The following ICOS variants were observed in gnomAD, a reference collection of about 807,000 sequenced individuals.
The protein encoded by ICOS is inducible T-cell costimulator.
A neutral mutation model predicts 24.6 loss-of-function variants in ICOS; 15 were observed. The observed-to-expected ratio is 0.61, with a 90% CI of 0.41 to 0.94. The LOEUF is 0.94. ICOS is among the 40% of genes least tolerant of loss of function. The pLI is 0.00. For synonymous variants in ICOS, 89 were observed against 77.5 expected, an observed-to-expected ratio of 1.15 and a Z score of -0.78; for missense variants, 200 against 233.0, an observed-to-expected ratio of 0.86 and a Z score of 0.92.
chr2:203,956,849 T>C, intron 3 of ICOS, 84 bp downstream of exon 3: 3 of 924,752 alleles, frequency 3.2e-6, no homozygotes, highest in South Asian at 2.7e-5. Context: ...ACATGGCTCT[T>C]GTCAGAGTAA....
At chr2:203,944,929 A>C (rs1689842124) in intron 1 of ICOS, among the ~76,000 whole-genome samples, 1 of 152,224 alleles carries the variant, frequency 6.6e-6, no homozygotes, top group Admixed American at 6.5e-5. Flanking sequence ...ATTTTAGTTC[A>C]TGGTAACAGA....
rs140979765 is a variant in ICOS, at chr2:203,961,453, G to A, written c.*1854G>A. On this transcript the variant is annotated 3_prime_UTR_variant, in exon 5 of 5. Transcript: ENST00000316386. ...TCATCCCCAGCATGGGACACCTCAA[G>A]ATGAATAATAATTCACAAAATTTCT... is the stretch of plus-strand genomic sequence containing the variant. The A allele has an allele frequency of 1.6e-3, 255 of 157,990 alleles. 2 individuals carry two copies. Among genetic ancestry groups the A allele is most frequent in the African/African-American group, 5.9e-3 (244 of 41,568 alleles). 9.8% of individuals were successfully genotyped at this position (157,990 alleles called of 1,614,324 possible).
intron 1 of ICOS, among the ~76,000 whole-genome samples, chr2:203,942,624 T>C (rs1689798121): frequency 6.6e-6 from 1 of 152,228 alleles, no homozygotes; most frequent in Non-Finnish European, 1.5e-5. Context: ...ATGTGAATAC[T>C]ACTTTAAGTA....
chr2:203,954,484 G>A (rs1303654708), intron 1 of ICOS, among the ~76,000 whole-genome samples: 2 of 152,142 alleles, frequency 1.3e-5, no homozygotes, highest in Non-Finnish European at 1.5e-5. Context: ...AGCTTCTTGG[G>A]AGGCTGAGGC....
Position 203,936,857 on chromosome 2 carries a change from A to G in ICOS, c.43A>G (p.Ile15Val), listed in dbSNP as rs752669955. ...LWYFFLFCLRIKVLTGEINGS... is the reference protein window; with the variant it reads ...LWYFFLFCLRVKVLTGEINGS... ...GTATTTCTTTCTCTTCTGCTTGCGC[A>G]TTAAAGTTTTAACAGGTAAGTGGTG... The change falls in exon 1 of 5, where the codon ATT becomes GTT. Residue 15 changes from isoleucine to valine, a missense_variant. Transcript: ENST00000316386. 16 of 1,610,680 alleles carry G rather than the reference A, an allele frequency of 9.9e-6. No individual in the cohort carries two copies. In the South Asian group the frequency reaches 1.6e-4, roughly 17 times the overall value.
At chr2:203,958,516 A>C (rs1581607919) in intron 4 of ICOS, among the ~76,000 whole-genome samples, 1 of 152,166 alleles carries the variant, frequency 6.6e-6, no homozygotes, top group East Asian at 1.9e-4. Flanking sequence ...GAAAGTTTGA[A>C]GCTTCCATTG....
At chr2:203,941,546 T>A (rs1192368418) in intron 1 of ICOS, among the ~76,000 whole-genome samples, 1 of 152,220 alleles carries the variant, frequency 6.6e-6, no homozygotes, top group East Asian at 1.9e-4. Context: ...GCTTCCCTAC[T>A]CTAAGAATAT....
At chr2:203,954,648 A>G (rs1690046288) in intron 1 of ICOS, among the ~76,000 whole-genome samples, 1 of 152,068 alleles carries the variant, frequency 6.6e-6, no homozygotes, top group African/African-American at 2.4e-5. Context: ...CTGGGGCTTT[A>G]TCTTTATTAT....
chr2:203,950,053 T>A (rs1250552264), intron 1 of ICOS, among the ~76,000 whole-genome samples: 2 of 152,260 alleles, frequency 1.3e-5, no homozygotes, highest in Non-Finnish European at 2.9e-5. Context: ...TACCAAAGGC[T>A]AAGAAGAATT....
At chr2:203,953,071 T>C (rs1393685880) in intron 1 of ICOS, among the ~76,000 whole-genome samples, 2 of 152,188 alleles carry the variant, frequency 1.3e-5, no homozygotes, top group Admixed American at 1.3e-4. Flanking sequence ...TTTCTAACCA[T>C]TGAAGTCCAG....
intron 1 of ICOS, among the ~76,000 whole-genome samples, chr2:203,940,095 C>A (rs756748313): frequency 2.0e-5 from 3 of 152,076 alleles, no homozygotes; most frequent in African/African-American, 4.8e-5. Context: ...TTGACATGTT[C>A]AAAGAATCTT....
intron 4 of ICOS, among the ~76,000 whole-genome samples, chr2:203,959,171 A>G (rs890708467): frequency 2.0e-5 from 3 of 152,140 alleles, no homozygotes; most frequent in Non-Finnish European, 2.9e-5. Flanking sequence ...GCTTTCCCTC[A>G]TCTCTGAGCT....
chr2:203,960,017 A>G lies in ICOS; in HGVS notation c.*418A>G. ...GCATCTGTCCGCATTTCACTATCAT[A>G]CTACCTCTTCTTTCTGTAGGGATGA... is the stretch of plus-strand genomic sequence containing the variant. On this transcript the variant is annotated 3_prime_UTR_variant, in exon 5 of 5. Coordinates refer to ENST00000316386, the MANE Select transcript of ICOS (RefSeq NM_012092.4). The G allele has an allele frequency of 3.1e-6, 1 of 322,708 alleles. No individual in the cohort carries two copies. Among genetic ancestry groups the G allele is most frequent in the East Asian group, 7.5e-5 (1 of 13,292 alleles). The allele number at this position is 322,708 out of a possible 1,614,324, so 20.0% of individuals were successfully genotyped here.
At chr2:203,945,658 A>G (rs971913426) in intron 1 of ICOS, among the ~76,000 whole-genome samples, 2 of 152,190 alleles carry the variant, frequency 1.3e-5, no homozygotes, top group African/African-American at 4.8e-5. Context: ...TGGTAGCACA[A>G]TGGTAAATAT....
chr2:203,955,782 A>G lies in ICOS; in HGVS notation c.205A>G (p.Lys69Glu), dbSNP rs773337402. The change falls in exon 2 of 5, where the codon AAA (lysine) becomes GAA (glutamate). Residue 69 changes from lysine (K) to glutamate (E), a missense_variant. Coordinates refer to ENST00000316386, the MANE Select transcript of ICOS (RefSeq NM_012092.4). ...AATACTCTGCGATCTCACTAAGACA[A>G]AAGGAAGTGGAAACACAGTGTCCAT... is the stretch of plus-strand genomic sequence containing the variant. Reference protein sequence around the residue: ...GQILCDLTKTKGSGNTVSIKS... With the variant: ...GQILCDLTKTEGSGNTVSIKS... 1 of 1,613,860 alleles carries G rather than the reference A, an allele frequency of 6.2e-7. No individual in the cohort carries two copies. The highest frequency in any genetic ancestry group is 1.1e-5 in the South Asian group (1 of 91,080).
intron 4 of ICOS, 131 bp from the exon 5 acceptor site, chr2:203,959,455 A>AGTGTGTGTGTGT (rs34098976): frequency 2.8e-6 from 2 of 718,342 alleles, no homozygotes; most frequent in Non-Finnish European, 5.1e-6. Flanking sequence ...TGTGTGTGTG[A>AGTGTGTGTGTGT]GTGTGTGTGT....
chr2:203,955,436 G>T lies in ICOS; in HGVS notation c.59-200G>T, dbSNP rs549987389. ...TTCACATATGACAAGCAAGTTTCTG[G>T]TTAGGATTTTTTTTTCTCTAGGACA... On this transcript the variant is annotated intron_variant, in intron 1 of 4. Coordinates refer to ENST00000316386, the MANE Select transcript of ICOS (RefSeq NM_012092.4). Among the ~76,000 whole-genome samples, 15 of 152,128 alleles carry T rather than the reference G, an allele frequency of 9.9e-5. No individual in the cohort carries two copies. The South Asian group carries it at 3.1e-3, about 32-fold the overall frequency.
intron 1 of ICOS, among the ~76,000 whole-genome samples, chr2:203,941,286 T>C (rs1025081354): frequency 1.2e-4 from 19 of 152,222 alleles, no homozygotes; most frequent in African/African-American, 4.3e-4. Context: ...TATTTTTTCA[T>C]CATTTGTGAA....
chr2:203,952,603 G>A (rs1267033375), intron 1 of ICOS, among the ~76,000 whole-genome samples: 1 of 152,094 alleles, frequency 6.6e-6, no homozygotes, highest in Non-Finnish European at 1.5e-5. Context: ...CAACCTATCT[G>A]CTGGTTCACC....
Sources: allele counts gnomAD v4.1 joint callset (sites outside exome capture counted in the v4.1 genomes callset), GRCh38; gene constraint gnomAD v4.1.1; transcripts MANE v1.5; gene names NCBI Gene and HGNC (gene_info 2026-07-23, HGNC 2026-07-21).